TASP1: variants seen among roughly 807,000 people sequenced by gnomAD.
TASP1 encodes the protein taspase 1.
TASP1 carries 16 observed loss-of-function variants against 56.6 expected under a neutral mutation model. The ratio of observed to expected loss-of-function variants is 0.28; its 90% CI spans 0.19 to 0.43. The LOEUF is 0.43. Among genes scored for constraint, TASP1 ranks in the 20% least tolerant of loss-of-function variants. TASP1 has a pLI of 1.00. For synonymous variants in TASP1, 179 were observed against 184.2 expected (o/e 0.97, Z 0.23); for missense variants, 393 against 511.6 (o/e 0.77, Z 2.24).
intron 7 of TASP1, among the ~76,000 whole-genome samples, chr20:13,568,666 T>C (rs1042682238): frequency 6.6e-6 from 1 of 152,116 alleles, no homozygotes; most frequent in South Asian, 2.1e-4. Flanking sequence ...TTTCAAAATT[T>C]TGTATATTCT....
chr20:13,404,817 CTTAAT>C (rs931235212), intron 13 of TASP1, among the ~76,000 whole-genome samples: 3 of 152,074 alleles, frequency 2.0e-5, no homozygotes, highest in East Asian at 1.9e-4. Flanking sequence ...ATTTTGATTT[CTTAAT>C]TTATCTTTCA....
intron 10 of TASP1, among the ~76,000 whole-genome samples, chr20:13,521,880 A>G (rs1423407706): frequency 1.3e-5 from 2 of 152,202 alleles, no homozygotes; most frequent in Non-Finnish European, 2.9e-5. Flanking sequence ...GGGAAAAAAT[A>G]AAACATGAAA....
At chr20:13,370,299 A>G in the TASP1 span, among the ~76,000 whole-genome samples, 1 of 152,168 alleles carries the variant, frequency 6.6e-6, no homozygotes, top group Non-Finnish European at 1.5e-5. Flanking sequence ...AAATTATATA[A>G]TAATTTAAGG....
At chr20:13,293,313 G>A in the TASP1 span, among the ~76,000 whole-genome samples, 1 of 152,080 alleles carries the variant, frequency 6.6e-6, no homozygotes, top group Non-Finnish European at 1.5e-5. Flanking sequence ...CAAACAAAAT[G>A]GAAAGTGACT....
the TASP1 span, among the ~76,000 whole-genome samples, chr20:13,311,815 T>C: frequency 6.6e-6 from 1 of 152,200 alleles, no homozygotes; most frequent in South Asian, 2.1e-4. Context: ...GGGGAAATGT[T>C]AGTTAAAGTG....
the TASP1 span, among the ~76,000 whole-genome samples, chr20:13,360,249 G>T: frequency 1.4e-5 from 2 of 146,396 alleles, no homozygotes; most frequent in Non-Finnish European, 3.0e-5. Context: ...GCCTCTCTTC[G>T]CTTTCACTTG....
At chr20:13,479,894 C>T (rs1031096416) in intron 11 of TASP1, among the ~76,000 whole-genome samples, 6 of 152,106 alleles carry the variant, frequency 3.9e-5, no homozygotes, top group African/African-American at 9.7e-5. Flanking sequence ...TCCGTATTTG[C>T]CCCCTCCTTT....
chr20:13,425,714 A>G (rs1478363355), intron 12 of TASP1, among the ~76,000 whole-genome samples: 1 of 152,154 alleles, frequency 6.6e-6, no homozygotes. Flanking sequence ...TCATTTTTTA[A>G]ATGGGAAGAA....
the TASP1 span, among the ~76,000 whole-genome samples, chr20:13,129,843 C>T: frequency 6.6e-6 from 1 of 152,176 alleles, no homozygotes; most frequent in African/African-American, 2.4e-5. Flanking sequence ...ATTTCCCTTG[C>T]TTCTCTCTCT....
chr20:13,487,480 G>A (rs191230856), intron 10 of TASP1, among the ~76,000 whole-genome samples: 1 of 152,064 alleles, frequency 6.6e-6, no homozygotes, highest in Non-Finnish European at 1.5e-5. Flanking sequence ...ACATTCCCAC[G>A]GCCCTAGGAG....
At chr20:13,431,887 G>A (rs1488686149) in intron 12 of TASP1, among the ~76,000 whole-genome samples, 2 of 152,172 alleles carry the variant, frequency 1.3e-5, no homozygotes, top group East Asian at 1.9e-4. Flanking sequence ...TGACATCAGT[G>A]TGCCCCTATG....
chr20:13,505,498 G>C, intron 10 of TASP1, among the ~76,000 whole-genome samples: 1 of 152,158 alleles, frequency 6.6e-6, no homozygotes, highest in Non-Finnish European at 1.5e-5. Context: ...GTGCACACAG[G>C]ATACTTTCCA....
At chr20:13,205,701 T>C in the TASP1 span, among the ~76,000 whole-genome samples, 29,602 of 152,044 alleles carry the variant, frequency 0.19, 3,999 homozygotes, top group East Asian at 0.48. Context: ...CACCTCCGAA[T>C]GCCATCACAT....
At chr20:13,359,953 C>A in the TASP1 span, among the ~76,000 whole-genome samples, 1 of 152,128 alleles carries the variant, frequency 6.6e-6, no homozygotes, top group African/African-American at 2.4e-5. Context: ...ATGCCAATAT[C>A]CCATCCTGCA....
intron 10 of TASP1, among the ~76,000 whole-genome samples, chr20:13,486,683 C>CTGAT (rs770890542): frequency 7.4e-4 from 112 of 152,232 alleles, no homozygotes; most frequent in Non-Finnish European, 1.2e-3. Context: ...AATGTAATAA[C>CTGAT]TGATAGAGGC....
chr20:13,303,737 G>A, the TASP1 span, among the ~76,000 whole-genome samples: 1 of 152,166 alleles, frequency 6.6e-6, no homozygotes, highest in South Asian at 2.1e-4. Flanking sequence ...ATATACATAC[G>A]CCAGATACCA....
the TASP1 span, among the ~76,000 whole-genome samples, chr20:13,277,883 C>T: frequency 1.3e-5 from 2 of 152,252 alleles, no homozygotes; most frequent in African/African-American, 4.8e-5. Flanking sequence ...ACAGCCCGGG[C>T]CCATTGGCTG....
At chr20:13,352,989 T>C in the TASP1 span, among the ~76,000 whole-genome samples, 1 of 152,094 alleles carries the variant, frequency 6.6e-6, no homozygotes, top group Non-Finnish European at 1.5e-5. Flanking sequence ...GTAATCCCAG[T>C]GCTTTGGGAG....
intron 11 of TASP1, among the ~76,000 whole-genome samples, chr20:13,481,792 G>T (rs1244193150): frequency 1.3e-5 from 2 of 152,106 alleles, no homozygotes; most frequent in Non-Finnish European, 2.9e-5. Context: ...CTATAGGGTT[G>T]TTTGGGCTCC....
Sources: allele counts gnomAD v4.1 joint callset (sites outside exome capture counted in the v4.1 genomes callset), GRCh38; gene constraint gnomAD v4.1.1; transcripts MANE v1.5; gene names NCBI Gene and HGNC (gene_info 2026-07-23, HGNC 2026-07-21).